The following GFUS variants were observed in gnomAD, a reference collection of about 807,000 sequenced individuals.
GFUS encodes the protein GDP-L-fucose synthase.
In GFUS, 42 loss-of-function variants were observed where a neutral mutation model predicts 41.5. The observed-to-expected ratio is 1.01, with a 90% CI of 0.79 to 1.31. The LOEUF is 1.31. GFUS is among the 50% of genes most tolerant of loss of function. GFUS has a pLI of 0.00. For synonymous variants in GFUS, 188 were observed against 173.4 expected (o/e 1.08, Z -0.66); for missense variants, 437 against 428.7 (o/e 1.02, Z -0.17).
In GFUS at chr8:143,614,169, A is replaced by T. The variant is rs1481603610; in HGVS notation, c.658T>A (p.Ser220Thr). Residue 220 changes from serine to threonine, a missense_variant, in exon 7 of 11, where the codon TCG becomes ACG. Ser to Thr is a moderately conservative substitution (Grantham distance 58). Transcript: ENST00000425753. ...CTGTGCCTTCCTTTACGCACCAGCG[A>T]GTATATGAACTGCCTCCGCGGATTC... ...TGNPRRQFIY[S>T]LDLAQLFIWV... 2 of 1,613,190 alleles carry T rather than the reference A, an allele frequency of 1.2e-6. No homozygotes were observed. Among genetic ancestry groups the T allele is most frequent in the Admixed American group, 1.7e-5 (1 of 59,996 alleles).
intron 7 of GFUS, 84 bp downstream of exon 7, chr8:143,614,080 C>T (rs1829652308): frequency 6.4e-7 from 1 of 1,566,032 alleles, no homozygotes. Context: ...CCTCCTGCAC[C>T]ACCTCCCCGA....
rs1200370845 is a variant in GFUS, at chr8:143,612,821, T to C, written c.*89A>G. 6.7e-7 allele frequency: 1 copy of C among 1,481,840 alleles called. No homozygotes were observed. The highest frequency in any genetic ancestry group is 1.4e-5 in the African/African-American group (1 of 71,740). The allele number at this position is 1,481,840 out of a possible 1,614,324, so 91.8% of individuals were successfully genotyped here. On this transcript the variant is annotated 3_prime_UTR_variant, in exon 11 of 11. Transcript: ENST00000425753. ...AATGCAGGCCCAGGTTGCTGGGTGG[T>C]GCCCTCAGCTCCTGGCAGGGTTGAC...
rs777424676 is a variant in GFUS at position 143,613,232 on chromosome 8, A to G, written c.874T>C (p.Tyr292His). Reference sequence around the variant, plus strand: ...GGTGTGAACCGGAAGTCGGGCAGGTAGGTCCTCAGCTTGCTGTTACTGGCT... The same window carrying G: ...GGTGTGAACCGGAAGTCGGGCAGGTGGGTCCTCAGCTTGCTGTTACTGGCT... ...KTASNSKLRT[Y>H]LPDFRFTPFK... The change falls in exon 10 of 11, where the codon TAC becomes CAC. Residue 292 changes from tyrosine to histidine, a missense_variant. By Grantham distance (83) the Tyr-to-His change is moderately conservative. Coordinates refer to ENST00000425753, the MANE Select transcript of GFUS (RefSeq NM_003313.4). 6.2e-7 allele frequency: 1 copy of G among 1,614,016 alleles called. No individual in the cohort carries two copies. The highest frequency in any genetic ancestry group is 8.5e-7 in the Non-Finnish European group (1 of 1,179,964).
Position 143,614,420 on chromosome 8 carries a change from G to T in GFUS, c.498C>A (p.Thr166=). The change falls in exon 6 of 11, where the codon ACC becomes ACA. Residue 166 remains threonine, a synonymous_variant. Transcript: ENST00000425753. ...CGAAGACGTTGGTGGGGATGACAGC[G>T]GTGAAGGTGCAGCCGTACTGCTGGA... ...AYFQQYGCTF[T]AVIPTNVFGP... 1 of 1,613,744 alleles carries T rather than the reference G, an allele frequency of 6.2e-7. No homozygotes were observed. The highest frequency in any genetic ancestry group is 8.5e-7 in the Non-Finnish European group (1 of 1,179,928).
chr8:143,616,536 G>C (rs752585720), intron 2 of GFUS, 31 bp downstream of exon 2: 1 of 1,613,458 alleles, frequency 6.2e-7, no homozygotes, highest in Non-Finnish European at 8.5e-7. Context: ...GGATGGAGAG[G>C]AAGGGCTGAT....
chr8:143,615,381 T>A (rs1299379305), intron 3 of GFUS, among the ~76,000 whole-genome samples: 1 of 152,076 alleles, frequency 6.6e-6, no homozygotes, highest in African/African-American at 2.4e-5. Flanking sequence ...CCACTTCCCG[T>A]GCATGAACTA....
chr8:143,613,274 C>T lies in GFUS; in HGVS notation c.832G>A (p.Gly278Arg), dbSNP rs762288851. The T allele has an allele frequency of 8.1e-6, 13 of 1,614,072 alleles. No individual in the cohort carries two copies. The Admixed American group carries it at 1.5e-4, about 19-fold the overall frequency. The part of the protein sequence containing the change: ...EVTFDTTKSD[G>R]QFKKTASNSK... ...TTACTGGCTGTCTTCTTAAACTGCCCATCCGACTTGGTTGTATCAAACTGG... is the reference window on the plus strand; with the variant it reads ...TTACTGGCTGTCTTCTTAAACTGCCTATCCGACTTGGTTGTATCAAACTGG... Residue 278 changes from glycine (G) to arginine (R), a missense_variant, in exon 10 of 11, where the codon GGG becomes AGG. Transcript: ENST00000425753.
At position 143,616,377 on chromosome 8, in the gene GFUS, A is replaced by G. The variant is rs571883091; in HGVS notation, c.147-157T>C. 1,908 of 1,153,854 alleles carry G rather than the reference A, an allele frequency of 1.7e-3. 5 individuals are homozygous for G. Among genetic ancestry groups the G allele is most frequent in the Non-Finnish European group, 2.1e-3 (1,657 of 770,898 alleles). 71.5% of individuals were successfully genotyped at this position (1,153,854 alleles called of 1,614,324 possible). ...GATATGAGGGTGCAGGCTTCCAGGA[A>G]GAGATGGGAGGGTGTTTGTTTTTCC... is the stretch of plus-strand genomic sequence containing the variant. On this transcript the variant is annotated intron_variant, in intron 2 of 10. Coordinates refer to ENST00000425753, the MANE Select transcript of GFUS (RefSeq NM_003313.4).
At position 143,614,431 on chromosome 8, in the gene GFUS, A is replaced by G. The variant is rs1017560133; in HGVS notation, c.487T>C (p.Cys163Arg). 1 of 1,613,642 alleles carries G rather than the reference A, an allele frequency of 6.2e-7. No individual in the cohort carries two copies. Among genetic ancestry groups the G allele is most frequent in the African/African-American group, 1.3e-5 (1 of 75,064 alleles). Reference sequence around the variant, plus strand: ...GTGGGGATGACAGCGGTGAAGGTGCAGCCGTACTGCTGGAAGTAGGCCCTG... The same window carrying G: ...GTGGGGATGACAGCGGTGAAGGTGCGGCCGTACTGCTGGAAGTAGGCCCTG... The part of the protein sequence containing the change: ...QNRAYFQQYG[C>R]TFTAVIPTNV... Residue 163 changes from cysteine (C) to arginine (R), a missense_variant, in exon 6 of 11, where the codon TGC (cysteine) becomes CGC (arginine). Transcript: ENST00000425753.
chr8:143,613,532 C>T lies in GFUS; in HGVS notation c.802G>A (p.Glu268Lys). The T allele has an allele frequency of 6.2e-7, 1 of 1,610,778 alleles. No individual in the cohort carries two copies. The highest frequency in any genetic ancestry group is 8.5e-7 in the Non-Finnish European group (1 of 1,179,806). Reference sequence around the variant, plus strand: ...CTGGAGCCAGAGGATACGGTGACTTCCCCATGGAAGTCCATGGCCTCCACC... The same window carrying T: ...CTGGAGCCAGAGGATACGGTGACTTTCCCATGGAAGTCCATGGCCTCCACC... ...AVVEAMDFHG[E>K]VTFDTTKSDG... Residue 268 changes from glutamate (E) to lysine (K), a missense_variant, in exon 9 of 11, where the codon GAA (glutamate) becomes AAA (lysine). Coordinates refer to ENST00000425753, the MANE Select transcript of GFUS (RefSeq NM_003313.4).
rs749909435 is a variant in GFUS, at chr8:143,616,553, A to T, written c.146+14T>A. 1.2e-6 allele frequency: 2 copies of T among 1,613,584 alleles called. No individual in the cohort carries two copies. The highest frequency in any genetic ancestry group is 2.7e-5 in the African/African-American group (2 of 74,882). Reference sequence around the variant, plus strand: ...ATGGAGAGGAAGGGCTGATCTGGGGATGGGCTCACTCACGTGAGATCGGCG... The same window carrying T: ...ATGGAGAGGAAGGGCTGATCTGGGGTTGGGCTCACTCACGTGAGATCGGCG... On this transcript the variant is annotated intron_variant, in intron 2 of 10. Coordinates refer to ENST00000425753, the MANE Select transcript of GFUS (RefSeq NM_003313.4).
chr8:143,613,090 C>A, intron 10 of GFUS, 106 bp downstream of exon 10: 1 of 1,538,008 alleles, frequency 6.5e-7, no homozygotes. Flanking sequence ...ACCTCCAGGG[C>A]AGTACAGGCT....
At chr8:143,613,686 C>A in intron 8 of GFUS, 65 bp downstream of exon 8, 9 of 1,573,346 alleles carry the variant, frequency 5.7e-6, no homozygotes, top group Non-Finnish European at 7.8e-6. Context: ...CTCAGCCAGC[C>A]TCCCAGGACA....
chr8:143,613,770 C>T lies in GFUS; in HGVS notation c.711G>A (p.Val237=), dbSNP rs1176739833. 12 of 1,550,934 alleles carry T rather than the reference C, an allele frequency of 7.7e-6. No individual in the cohort carries two copies. The highest frequency in any genetic ancestry group is 7.0e-6 in the Non-Finnish European group (8 of 1,147,040). The change falls in exon 8 of 11, where the codon GTG becomes GTA. Residue 237 remains valine (V), a synonymous_variant. Transcript: ENST00000425753. ...ACCCACCGGAGAGGATGATGGGCTCCACTTCATTGTACTCCCGCAGGACCC... is the reference window on the plus strand; with the variant it reads ...ACCCACCGGAGAGGATGATGGGCTCTACTTCATTGTACTCCCGCAGGACCC... The part of the protein sequence containing the change: ...FIWVLREYNE[V]EPIILSVGEE...
Position 143,613,231 on chromosome 8 carries a change from T to C in GFUS, c.875A>G (p.Tyr292Cys). The change falls in exon 10 of 11, where the codon TAC becomes TGC. Residue 292 changes from tyrosine (Y) to cysteine (C), a missense_variant. Physicochemically the swap from Tyr to Cys is radical, Grantham distance 194. Transcript: ENST00000425753. ...GGGTGTGAACCGGAAGTCGGGCAGG[T>C]AGGTCCTCAGCTTGCTGTTACTGGC... The part of the protein sequence containing the change: ...KTASNSKLRT[Y>C]LPDFRFTPFK... The C allele has an allele frequency of 6.2e-7, 1 of 1,613,948 alleles. No homozygotes were observed. The highest frequency in any genetic ancestry group is 8.5e-7 in the Non-Finnish European group (1 of 1,179,958).
chr8:143,615,816 C>T, intron 3 of GFUS: 1 of 377,070 alleles, frequency 2.7e-6, no homozygotes, highest in Non-Finnish European at 4.8e-6. Context: ...AGCTCCCAGT[C>T]CCACGTGGCC....
chr8:143,613,971 G>A (rs1052363601), intron 7 of GFUS, among the ~76,000 whole-genome samples, 154 bp from the exon 8 acceptor site: 1 of 152,184 alleles, frequency 6.6e-6, no homozygotes, highest in Non-Finnish European at 1.5e-5. Context: ...TCAGAGCTAC[G>A]CCAGTGACTC....
chr8:143,614,189 G>C lies in GFUS; in HGVS notation c.638C>G (p.Pro213Arg). ...CAGCGAGTATATGAACTGCCTCCGCGGATTCCCTGTACCCCACACCGTCAG... is the reference window on the plus strand; with the variant it reads ...CAGCGAGTATATGAACTGCCTCCGCCGATTCCCTGTACCCCACACCGTCAG... ...SALTVWGTGN[P>R]RRQFIYSLDL... The change falls in exon 7 of 11, where the codon CCG becomes CGG. Residue 213 changes from proline (P) to arginine (R), a missense_variant. Pro to Arg is a moderately radical substitution (Grantham distance 103, BLOSUM62 -2). Coordinates refer to ENST00000425753, the MANE Select transcript of GFUS (RefSeq NM_003313.4). 1 of 1,613,510 alleles carries C rather than the reference G, an allele frequency of 6.2e-7. No individual in the cohort carries two copies. The highest frequency in any genetic ancestry group is 1.1e-5 in the South Asian group (1 of 91,080).
intron 5 of GFUS, 48 bp downstream of exon 5, chr8:143,614,576 C>T: frequency 3.2e-6 from 5 of 1,560,382 alleles, no homozygotes; most frequent in Non-Finnish European, 4.4e-6. Context: ...CCCCTGGGGG[C>T]CCTCTCCCCG....
Sources: gnomAD v4.1 joint callset for allele counts (sites outside exome capture counted in the v4.1 genomes callset) on GRCh38, gnomAD v4.1.1 for gene constraint, MANE v1.5 for transcripts, NCBI Gene and HGNC (gene_info 2026-07-23, HGNC 2026-07-21) for gene names.